Variants in ZNF622 observed in about 807,000 individuals in gnomAD.
ZNF622 encodes zinc finger protein 622.
In ZNF622, 34 loss-of-function variants were observed where a neutral mutation model predicts 49.7. That is an observed-to-expected ratio of 0.68 (90% CI 0.52 to 0.91). The LOEUF (loss-of-function observed/expected upper bound fraction) is 0.91, where lower values mean the gene tolerates loss of function less well. Among genes scored for constraint, ZNF622 ranks in the 40% least tolerant of loss-of-function variants. The probability of loss-of-function intolerance (pLI) is 0.00; values close to 1 mark genes in which losing one functional copy is unlikely to be tolerated. For synonymous variants in ZNF622, 209 were observed against 228.7 expected (o/e 0.91, Z 0.78); for missense variants, 569 against 616.4 (o/e 0.92, Z 0.81).
chr5:16,458,479 C>T, intron 4 of ZNF622, 38 bp downstream of exon 4: 1 of 1,391,130 alleles, frequency 7.2e-7, no homozygotes, highest in Non-Finnish European at 1.0e-6. Flanking sequence ...CTCAATCCCA[C>T]TGGCATTAAG....
intron 3 of ZNF622, among the ~76,000 whole-genome samples, chr5:16,459,955 A>G (rs1738097707): frequency 6.6e-6 from 1 of 152,194 alleles, no homozygotes; most frequent in African/African-American, 2.4e-5. Context: ...GGTGCTAGTT[A>G]TATTTAAAAT....
In ZNF622 at chr5:16,465,387, C is replaced by A. The variant is rs1441998519; in HGVS notation, c.279G>T (p.Glu93Asp). 6.2e-7 allele frequency: 1 copy of A among 1,614,280 alleles called. No homozygotes were observed. Among genetic ancestry groups the A allele is most frequent in the Non-Finnish European group, 8.5e-7 (1 of 1,180,050 alleles). Residue 93 changes from glutamate (E) to aspartate (D), a missense_variant, in exon 1 of 6, where the codon GAG becomes GAT. By Grantham distance (45) the Glu-to-Asp change is conservative. Transcript: ENST00000308683. This position sits in a 1 kb window ranked among gnomAD's most constrained non-coding sequence, Gnocchi z 6.2. ...ENHLKSRRHV[E>D]LEKKAVQAVN... is the part of the protein sequence containing the mutation. ...CTGCCTGCACGGCCTTCTTCTCCAG[C>A]TCAACGTGACGCCGGGACTTGAGGT... is the stretch of plus-strand genomic sequence containing the variant.
Position 16,463,197 on chromosome 5 carries a change from AGCTTCTGTG to A in ZNF622, c.951_959del (p.Thr318_Ala320del), listed in dbSNP as rs1201194430. ...TTTTGTCATTCATATGTGCCTGTAC[AGCTTCTGTG>A]GAGTAGAAGGACTTCCCTTTCTCGT... is the stretch of plus-strand genomic sequence containing the variant. On this transcript the variant is annotated inframe_deletion, in exon 3 of 6. Transcript: ENST00000308683. This position sits in a 1 kb window ranked among gnomAD's most constrained non-coding sequence, Gnocchi z 4.2. The A allele has an allele frequency of 5.0e-6, 8 of 1,613,984 alleles. No homozygotes were observed. The highest frequency in any genetic ancestry group is 6.8e-6 in the Non-Finnish European group (8 of 1,179,994).
rs1325885931 is a variant in ZNF622, at chr5:16,451,551, G to T, written c.*106C>A. On this transcript the variant is annotated 3_prime_UTR_variant, in exon 6 of 6. Coordinates refer to ENST00000308683, the MANE Select transcript of ZNF622 (RefSeq NM_033414.3). ...CTAACTTTTATTATTAGGTCAGAAC[G>T]AATGAAGTAGCAGCAAAAGGGTCTC... 1.4e-6 allele frequency: 2 copies of T among 1,433,480 alleles called. No individual in the cohort carries two copies. The highest frequency in any genetic ancestry group is 1.9e-6 in the Non-Finnish European group (2 of 1,065,002). The allele number at this position is 1,433,480 out of a possible 1,614,324, so 88.8% of individuals were successfully genotyped here.
At chr5:16,464,916 C>CGGGG in intron 1 of ZNF622, 125 bp downstream of exon 1, 3 of 1,283,284 alleles carry the variant, frequency 2.3e-6, no homozygotes, top group Non-Finnish European at 3.2e-6. Context: ...TCTAAACCAC[C>CGGGG]TTCCCTCATC....
intron 4 of ZNF622, among the ~76,000 whole-genome samples, chr5:16,455,237 T>C (rs1738007983): frequency 6.6e-6 from 1 of 152,218 alleles, no homozygotes; most frequent in Admixed American, 6.5e-5. Context: ...CAGAATCTTT[T>C]GTGTAAAAAG....
intron 4 of ZNF622, among the ~76,000 whole-genome samples, chr5:16,454,981 T>C (rs990071591): frequency 6.6e-6 from 1 of 152,170 alleles, no homozygotes; most frequent in African/African-American, 2.4e-5. Flanking sequence ...GCAAAGCCAG[T>C]GTCATCAGCA....
chr5:16,458,335 A>C (rs532156791), intron 4 of ZNF622, among the ~76,000 whole-genome samples, 182 bp downstream of exon 4: 2 of 152,288 alleles, frequency 1.3e-5, no homozygotes, highest in South Asian at 4.2e-4. Context: ...GATCAAATTT[A>C]AACAAAACAG....
intron 3 of ZNF622, among the ~76,000 whole-genome samples, chr5:16,460,846 G>T (rs367647760): frequency 6.6e-6 from 1 of 152,270 alleles, no homozygotes; most frequent in African/African-American, 2.4e-5. Context: ...AGGGAGAACC[G>T]TTTCCATCAG....
At chr5:16,454,441 T>G (rs1323962579) in intron 4 of ZNF622, among the ~76,000 whole-genome samples, 1 of 119,544 alleles carries the variant, frequency 8.4e-6, no homozygotes, top group Admixed American at 1.3e-4. Flanking sequence ...TGAGCCAAGA[T>G]CATACCACTG....
chr5:16,454,349 G>A (rs142596575), intron 4 of ZNF622, among the ~76,000 whole-genome samples: 4 of 152,026 alleles, frequency 2.6e-5, no homozygotes, highest in East Asian at 1.9e-4. Context: ...TTAGCCGGGC[G>A]TGGTGGTGGG....
In ZNF622 at chr5:16,463,239, C is replaced by T; in HGVS notation, c.918G>A (p.Leu306=). 7 of 1,606,752 alleles carry T rather than the reference C, an allele frequency of 4.4e-6. No homozygotes were observed. Among genetic ancestry groups the T allele is most frequent in the Non-Finnish European group, 5.9e-6 (7 of 1,178,474 alleles). ...GEKVGVGKIC[L]WCNEKGKSFY... is the part of the protein sequence containing the mutation. Reference sequence around the variant, plus strand: ...AGGACTTCCCTTTCTCGTTGCACCACAAGCAAATCTTGCCAACACCAACTT... The same window carrying T: ...AGGACTTCCCTTTCTCGTTGCACCATAAGCAAATCTTGCCAACACCAACTT... The change falls in exon 3 of 6, where the codon TTG becomes TTA. Residue 306 remains leucine (L), a synonymous_variant. Transcript: ENST00000308683. The surrounding 1 kb of genome is among the most constrained non-coding windows in gnomAD (Gnocchi z 4.2).
rs1249517662 is a variant in ZNF622, at chr5:16,463,455, C to G, written c.886+27G>C. 1 of 1,586,578 alleles carries G rather than the reference C, an allele frequency of 6.3e-7. No individual in the cohort carries two copies. The highest frequency in any genetic ancestry group is 1.4e-5 in the African/African-American group (1 of 73,962). Reference sequence around the variant, plus strand: ...TCCCCCAATAATGTGATTATTTCCTCATTAAAAGGAAAACTATTGTACTTA... The same window carrying G: ...TCCCCCAATAATGTGATTATTTCCTGATTAAAAGGAAAACTATTGTACTTA... On this transcript the variant is annotated intron_variant, in intron 2 of 5. Transcript: ENST00000308683. This position sits in a 1 kb window ranked among gnomAD's most constrained non-coding sequence, Gnocchi z 4.2.
intron 4 of ZNF622, 124 bp from the exon 5 acceptor site, chr5:16,453,280 A>T: frequency 1.0e-6 from 1 of 1,003,480 alleles, no homozygotes; most frequent in Non-Finnish European, 1.3e-6. Flanking sequence ...GATGTACCAG[A>T]AGAAACAGTT....
In ZNF622 at chr5:16,452,935, A is replaced by C. The variant is rs566912037; in HGVS notation, c.1306+78T>G. ...AGAGAGAATCCACATGGACAACATA[A>C]ATGGAAACAACTTTCCCCAGACCCC... On this transcript the variant is annotated intron_variant, in intron 5 of 5. Coordinates refer to ENST00000308683, the MANE Select transcript of ZNF622 (RefSeq NM_033414.3). 3 of 1,319,102 alleles carry C rather than the reference A, an allele frequency of 2.3e-6. No individual in the cohort carries two copies. The South Asian group carries it at 8.3e-5, about 37-fold the overall frequency. 81.7% of individuals were successfully genotyped at this position (1,319,102 alleles called of 1,614,324 possible).
At chr5:16,462,299 GAATTT>G (rs1738131815) in intron 3 of ZNF622, among the ~76,000 whole-genome samples, 2 of 152,164 alleles carry the variant, frequency 1.3e-5, no homozygotes, top group African/African-American at 4.8e-5. Flanking sequence ...TAGCTCACAG[GAATTT>G]TGACAACTAG....
chr5:16,459,058 A>C (rs1738081257), intron 3 of ZNF622, among the ~76,000 whole-genome samples: 1 of 152,218 alleles, frequency 6.6e-6, no homozygotes, highest in Non-Finnish European at 1.5e-5. Flanking sequence ...AGAACTTTGA[A>C]ATGCAGGTAG....
chr5:16,454,739 G>C (rs946139601), intron 4 of ZNF622, among the ~76,000 whole-genome samples: 1 of 152,144 alleles, frequency 6.6e-6, no homozygotes, highest in Non-Finnish European at 1.5e-5. Context: ...CAACTGTGTA[G>C]GTATTATCTC....
intron 1 of ZNF622, among the ~76,000 whole-genome samples, chr5:16,464,104 A>G (rs960266489): frequency 6.6e-6 from 1 of 152,170 alleles, no homozygotes; most frequent in Non-Finnish European, 1.5e-5. Context: ...CAAAAGTACT[A>G]TGGGGTGTGT....
Sources: gnomAD v4.1 joint callset for allele counts (sites outside exome capture counted in the v4.1 genomes callset) on GRCh38, gnomAD v4.1.1 for gene constraint, Gnocchi (gnomAD v3.1) non-coding constraint, MANE v1.5 for transcripts, NCBI Gene and HGNC (gene_info 2026-07-23, HGNC 2026-07-21) for gene names.